The following SERINC5 variants were observed in gnomAD, a reference collection of about 807,000 sequenced individuals.
The protein encoded by SERINC5 is serine incorporator 5.
SERINC5 carries 41 observed loss-of-function variants against 63.1 expected under a neutral mutation model. The ratio of observed to expected loss-of-function variants is 0.65; its 90% confidence interval spans 0.51 to 0.84. The LOEUF (loss-of-function observed/expected upper bound fraction) is 0.84, where lower values mean the gene tolerates loss of function less well. SERINC5 is among the 40% of genes least tolerant of loss of function. The pLI is 0.00. For missense variants in SERINC5, 523 were observed against 573.0 expected, an observed-to-expected ratio of 0.91 and a Z score of 0.89; for synonymous variants, 222 against 215.2, an observed-to-expected ratio of 1.03 and a Z score of -0.28.
intron 7 of SERINC5, among the ~76,000 whole-genome samples, chr5:80,165,847 A>C (rs1747259661): frequency 6.6e-6 from 1 of 152,236 alleles, no homozygotes; most frequent in Non-Finnish European, 1.5e-5. Context: ...ACCAGGAAGA[A>C]TCGAAAAAGG....
rs1450586933 is a variant in SERINC5 at position 80,178,007 on chromosome 5, G to C, written c.253C>G (p.Leu85Val). 1.2e-6 allele frequency: 2 copies of C among 1,612,454 alleles called. No homozygotes were observed. The highest frequency in any genetic ancestry group is 1.3e-5 in the African/African-American group (1 of 74,880). Reference sequence around the variant, plus strand: ...CTATACACGGCAGAATATCCCACCAGCTTCTCACAGGTGTCACCAGCTTTA... The same window carrying C: ...CTATACACGGCAGAATATCCCACCACCTTCTCACAGGTGTCACCAGCTTTA... ...GIKAGDTCEKLVGYSAVYRVC... is the reference protein window; with the variant it reads ...GIKAGDTCEKVVGYSAVYRVC... The change falls in exon 3 of 12, where the codon CTG becomes GTG. Residue 85 changes from leucine to valine, a missense_variant. Transcript: ENST00000507668.
In SERINC5 at chr5:80,169,399, C is replaced by G; in HGVS notation, c.699G>C (p.Leu233=). Residue 233 remains leucine (L), a synonymous_variant, in exon 6 of 12, where the codon CTG becomes CTC. Transcript: ENST00000507668. ...KDSCMENKIL[L]GVNGGLCLLI... ...GCAGGCACAGGCCTCCATTTACTCC[C>G]AGCAGAATTTTGTTTTCCATGCAGC... The G allele has an allele frequency of 6.2e-7, 1 of 1,614,032 alleles. No individual in the cohort carries two copies. The highest frequency in any genetic ancestry group is 1.3e-5 in the African/African-American group (1 of 75,052).
intron 1 of SERINC5, among the ~76,000 whole-genome samples, chr5:80,253,919 T>G (rs1340193337): frequency 6.6e-6 from 1 of 152,114 alleles, no homozygotes; most frequent in Non-Finnish European, 1.5e-5. Context: ...GCTGTGAGGT[T>G]TTGTTTGCTT....
chr5:80,163,555 T>C (rs1747079907), intron 7 of SERINC5, among the ~76,000 whole-genome samples: 1 of 152,094 alleles, frequency 6.6e-6, no homozygotes, highest in Non-Finnish European at 1.5e-5. Context: ...GGTTTTTTTT[T>C]TTACCATGAA....
chr5:80,240,552 G>A lies in SERINC5; in HGVS notation c.27+15344C>T, dbSNP rs557706082. Among the ~76,000 whole-genome samples, 11 of 152,236 alleles carry A rather than the reference G, an allele frequency of 7.2e-5. No homozygotes were observed. The East Asian group carries it at 7.7e-4, about 11-fold the overall frequency. On this transcript the variant is annotated intron_variant, in intron 1 of 11. Coordinates refer to ENST00000507668, the MANE Select transcript of SERINC5 (RefSeq NM_001174072.3). ...CTTAATGTGGTAATTTTTAGAATGC[G>A]TATGTCATGTTGTATTGTAGCAGAA...
chr5:80,165,537 T>C (rs1054502766), intron 7 of SERINC5, among the ~76,000 whole-genome samples: 1 of 152,194 alleles, frequency 6.6e-6, no homozygotes, highest in African/African-American at 2.4e-5. Context: ...TTCTGCAAGT[T>C]ACTTAAGTAG....
intron 2 of SERINC5, among the ~76,000 whole-genome samples, chr5:80,181,511 C>T (rs1748428382): frequency 6.6e-6 from 1 of 151,750 alleles, no homozygotes; most frequent in African/African-American, 2.4e-5. Flanking sequence ...AATCCACCTG[C>T]CTCAGCCTCC....
chr5:80,170,111 A>C lies in SERINC5; in HGVS notation c.552-565T>G, dbSNP rs1747552712. 2.0e-5 allele frequency among the ~76,000 whole-genome samples: 3 copies of C among 152,194 alleles called. No homozygotes were observed. In the South Asian group the frequency reaches 6.2e-4, roughly 32 times the overall value. On this transcript the variant is annotated intron_variant, in intron 5 of 11. Coordinates refer to ENST00000507668, the MANE Select transcript of SERINC5 (RefSeq NM_001174072.3). ...ATACAAGAGATATGATCAACATTCA[A>C]AAAGGGAGTAAAGGAAGAGTTAATT...
intron 1 of SERINC5, among the ~76,000 whole-genome samples, chr5:80,232,368 C>T (rs1210954952): frequency 6.7e-6 from 1 of 150,168 alleles, no homozygotes; most frequent in African/African-American, 2.5e-5. Context: ...CACACCACTG[C>T]ACTCCAGCCT....
chr5:80,209,549 C>T (rs1052037140), intron 1 of SERINC5, among the ~76,000 whole-genome samples: 1 of 152,148 alleles, frequency 6.6e-6, no homozygotes, highest in Non-Finnish European at 1.5e-5. Context: ...ACAGGCAGTA[C>T]GCCCTGCTAT....
At chr5:80,169,803 C>G (rs539267824) in intron 5 of SERINC5, among the ~76,000 whole-genome samples, 1 of 152,116 alleles carries the variant, frequency 6.6e-6, no homozygotes, top group East Asian at 1.9e-4. Flanking sequence ...CCACTTTCTG[C>G]GACAAATGTA....
intron 1 of SERINC5, 86 bp downstream of exon 1, chr5:80,255,810 G>C (rs1752649697): frequency 7.1e-7 from 1 of 1,402,490 alleles, no homozygotes; most frequent in African/African-American, 1.5e-5. Flanking sequence ...GGAGCTGGGA[G>C]CGCACCCAGG....
intron 11 of SERINC5, among the ~76,000 whole-genome samples, chr5:80,117,453 CAA>C (rs1357207986): frequency 7.9e-5 from 12 of 152,128 alleles, no homozygotes. Context: ...AAGTTGGACA[CAA>C]GAGAAAAGGA....
At chr5:80,164,324 C>T (rs140271744) in intron 7 of SERINC5, among the ~76,000 whole-genome samples, 1,687 of 146,194 alleles carry the variant, frequency 0.012, 38 homozygotes, top group African/African-American at 0.041. Context: ...CTGTATTGTT[C>T]TCATGGGTTT....
intron 1 of SERINC5, among the ~76,000 whole-genome samples, chr5:80,229,400 C>CA (rs1751341234): frequency 6.9e-6 from 1 of 144,382 alleles, no homozygotes; most frequent in Admixed American, 7.1e-5. Flanking sequence ...TCAGAGACTG[C>CA]AAAAAACAAA....
chr5:80,174,976 C>CA lies in SERINC5; in HGVS notation c.528dup (p.Ala177CysfsTer3), dbSNP rs752121771. The CA allele has an allele frequency of 3.1e-6, 5 of 1,601,508 alleles. No homozygotes were observed. The South Asian group carries it at 4.5e-5, about 14-fold the overall frequency. Reference sequence around the variant, plus strand: ...CACCAGTTCTTGTTCCACTTATGTGCAAACTCCACGAGCAGGAGGAGCTGG... The same window carrying CA: ...CACCAGTTCTTGTTCCACTTATGTGCAAAACTCCACGAGCAGGAGGAGCTGG... On this transcript the variant is annotated frameshift_variant, in exon 5 of 12. Transcript: ENST00000507668. LOFTEE classifies it high-confidence loss of function.
chr5:80,223,114 T>C (rs919189350), intron 1 of SERINC5, among the ~76,000 whole-genome samples: 54 of 152,300 alleles, frequency 3.5e-4, no homozygotes, highest in African/African-American at 1.3e-3. Flanking sequence ...GCATCAGCCT[T>C]CCCAGGTGCT....
chr5:80,147,266 A>C lies in SERINC5; in HGVS notation c.1072T>G (p.Cys358Gly). Residue 358 changes from cysteine (C) to glycine (G), a missense_variant, in exon 10 of 12, where the codon TGC becomes GGC. Cys to Gly is a radical substitution (Grantham distance 159). Coordinates refer to ENST00000507668, the MANE Select transcript of SERINC5 (RefSeq NM_001174072.3). ...TTACCCTCTCCACCAGGACTGAAGC[A>C]AAAACAACAGCGAGCTATCTGTGAA... Reference protein sequence around the residue: ...PELEIARCCFCFSPGGEDTEE... With the variant: ...PELEIARCCFGFSPGGEDTEE... The C allele has an allele frequency of 1.2e-6, 2 of 1,605,732 alleles. No homozygotes were observed. The highest frequency in any genetic ancestry group is 1.7e-6 in the Non-Finnish European group (2 of 1,176,604).
intron 1 of SERINC5, among the ~76,000 whole-genome samples, chr5:80,225,703 C>T (rs1339305168): frequency 6.6e-6 from 1 of 152,150 alleles, no homozygotes; most frequent in African/African-American, 2.4e-5. Context: ...GTAGGGTTAT[C>T]CCATGCACCT....
Sources: allele counts gnomAD v4.1 joint callset (sites outside exome capture counted in the v4.1 genomes callset), GRCh38; gene constraint gnomAD v4.1.1; transcripts MANE v1.5; gene names NCBI Gene and HGNC (gene_info 2026-07-23, HGNC 2026-07-21).